Variants in PDE3A observed in about 807,000 individuals in gnomAD.
PDE3A encodes the protein phosphodiesterase 3A.
Under a neutral mutation model 98.3 loss-of-function variants are expected in PDE3A, and 43 were observed. That is an observed-to-expected ratio of 0.44 (90% CI 0.34 to 0.56). The LOEUF (loss-of-function observed/expected upper bound fraction) is 0.56, where lower values mean the gene tolerates loss of function less well. Among genes scored for constraint, PDE3A ranks in the 20% least tolerant of loss-of-function variants. The pLI, the probability that PDE3A is intolerant of heterozygous loss-of-function variation, is 0.01. For synonymous variants in PDE3A, 663 were observed against 567.9 expected (o/e 1.17, Z -2.38); for missense variants, 1,427 against 1,440.7 (o/e 0.99, Z 0.15).
intron 1 of PDE3A, among the ~76,000 whole-genome samples, chr12:20,518,284 G>T (rs1024809506): frequency 1.3e-5 from 2 of 151,992 alleles, no homozygotes; most frequent in Non-Finnish European, 2.9e-5. Flanking sequence ...TAAAGACTAA[G>T]AATCAGTTCT....
At chr12:20,502,558 T>A (rs1027726338) in intron 1 of PDE3A, among the ~76,000 whole-genome samples, 6 of 152,182 alleles carry the variant, frequency 3.9e-5, no homozygotes, top group Non-Finnish European at 7.4e-5. Context: ...GGTCAGGGAC[T>A]TTCCCTACTT....
intron 15 of PDE3A, among the ~76,000 whole-genome samples, chr12:20,671,325 G>C (rs963246642): frequency 6.6e-6 from 1 of 151,822 alleles, no homozygotes; most frequent in South Asian, 2.1e-4. Context: ...TAGAAAAACA[G>C]GGAATCCTCC....
intron 15 of PDE3A, among the ~76,000 whole-genome samples, chr12:20,667,455 G>C (rs1945344960): frequency 6.6e-6 from 1 of 152,074 alleles, no homozygotes; most frequent in South Asian, 2.1e-4. Context: ...TTTGTATATA[G>C]TGAGAAATGG....
intron 1 of PDE3A, among the ~76,000 whole-genome samples, chr12:20,442,147 C>G (rs1369773079): frequency 6.6e-6 from 1 of 152,130 alleles, no homozygotes; most frequent in Non-Finnish European, 1.5e-5. Context: ...TAGTTCTACA[C>G]CAAAATGGAA....
intron 15 of PDE3A, among the ~76,000 whole-genome samples, chr12:20,670,460 T>G (rs931793359): frequency 2.6e-5 from 4 of 152,040 alleles, no homozygotes; most frequent in African/African-American, 4.8e-5. Context: ...AAAGCTCTCC[T>G]CAGCAAATGT....
intron 1 of PDE3A, among the ~76,000 whole-genome samples, chr12:20,402,856 G>A (rs1161836229): frequency 6.6e-6 from 1 of 152,166 alleles, no homozygotes; most frequent in African/African-American, 2.4e-5. Context: ...TAAGTGAGCT[G>A]TAAGAGTTAA....
intron 1 of PDE3A, among the ~76,000 whole-genome samples, chr12:20,380,181 T>C (rs1359926431): frequency 2.6e-5 from 4 of 151,882 alleles, no homozygotes; most frequent in Non-Finnish European, 5.9e-5. Flanking sequence ...TTCTGAAAAG[T>C]CTAATGTAAA....
At position 20,683,153 on chromosome 12, in the gene PDE3A, G is replaced by A. The variant is rs1945841197; in HGVS notation, c.*2882G>A. 2 of 152,158 alleles carry A rather than the reference G, an allele frequency of 1.3e-5. No homozygotes were observed. Among genetic ancestry groups the A allele is most frequent in the African/African-American group, 2.4e-5 (1 of 41,442 alleles). The allele number at this position is 152,158 out of a possible 1,614,324, so 9.4% of individuals were successfully genotyped here. A position where few individuals can be genotyped will look rare whatever the true frequency, so the allele number is the denominator to read the frequency against. On this transcript the variant is annotated 3_prime_UTR_variant, in exon 16 of 16. Coordinates refer to ENST00000359062, the MANE Select transcript of PDE3A (RefSeq NM_000921.5). ...CGTCAATTGGGATAAATAAAGGGAT[G>A]AAGATCCACTAAGTTTGTGACTTTC...
At chr12:20,402,431 G>C (rs904093786) in intron 1 of PDE3A, among the ~76,000 whole-genome samples, 6 of 152,148 alleles carry the variant, frequency 3.9e-5, no homozygotes, top group Middle Eastern at 6.8e-3. Context: ...TTATAGTTGT[G>C]AGCCACCACG....
intron 1 of PDE3A, among the ~76,000 whole-genome samples, chr12:20,548,027 G>T (rs1211671378): frequency 6.6e-6 from 1 of 152,016 alleles, no homozygotes; most frequent in African/African-American, 2.4e-5. Flanking sequence ...TTAGCTGAAG[G>T]CTGTGATGTA....
At chr12:20,402,052 T>A (rs1335396706) in intron 1 of PDE3A, among the ~76,000 whole-genome samples, 1 of 152,220 alleles carries the variant, frequency 6.6e-6, no homozygotes, top group Non-Finnish European at 1.5e-5. Context: ...AGTATGTATC[T>A]GTGGAGCTTT....
chr12:20,625,780 G>A (rs907289209), intron 5 of PDE3A, among the ~76,000 whole-genome samples: 5 of 152,002 alleles, frequency 3.3e-5, no homozygotes, highest in African/African-American at 1.2e-4. Context: ...AGGAATTAAA[G>A]GCCGAATTAC....
chr12:20,585,724 A>T (rs1943178216), intron 2 of PDE3A, among the ~76,000 whole-genome samples: 1 of 152,178 alleles, frequency 6.6e-6, no homozygotes, highest in African/African-American at 2.4e-5. Flanking sequence ...GTTCTCCTTC[A>T]GCCTTAAGTT....
In PDE3A at chr12:20,681,220, A is replaced by T. The variant is rs1186062171; in HGVS notation, c.*949A>T. On this transcript the variant is annotated 3_prime_UTR_variant, in exon 16 of 16. Transcript: ENST00000359062. ...CATTTTCCAGTCTACTTGCCTAATG[A>T]ATGTATAGGAACTGTCTATGAGTAT... 1 of 152,198 alleles carries T rather than the reference A, an allele frequency of 6.6e-6. No individual in the cohort carries two copies. Among genetic ancestry groups the T allele is most frequent in the Non-Finnish European group, 1.5e-5 (1 of 68,082 alleles). 9.4% of individuals were successfully genotyped at this position (152,198 alleles called of 1,614,324 possible). A position where few individuals can be genotyped will look rare whatever the true frequency, so the allele number is the denominator to read the frequency against.
chr12:20,577,688 A>T (rs565147132), intron 2 of PDE3A, among the ~76,000 whole-genome samples: 3 of 152,274 alleles, frequency 2.0e-5, no homozygotes, highest in Admixed American at 2.0e-4. Flanking sequence ...GCTAATTTTA[A>T]AAAAGAATGA....
At chr12:20,562,070 T>G (rs1393361839) in intron 2 of PDE3A, among the ~76,000 whole-genome samples, 1 of 152,172 alleles carries the variant, frequency 6.6e-6, no homozygotes, top group Non-Finnish European at 1.5e-5. Context: ...AGAACTCCTT[T>G]GTCTGGCAGT....
intron 1 of PDE3A, among the ~76,000 whole-genome samples, chr12:20,532,354 A>G (rs1191800714): frequency 6.2e-5 from 1 of 16,008 alleles, no homozygotes; most frequent in Non-Finnish European, 2.3e-4. Context: ...ATTTTAAATC[A>G]TGTAATTTAT....
intron 4 of PDE3A, among the ~76,000 whole-genome samples, chr12:20,616,760 C>T (rs543386162): frequency 6.6e-6 from 1 of 152,066 alleles, no homozygotes; most frequent in South Asian, 2.1e-4. Flanking sequence ...ATCCCCCAGC[C>T]CAGTCATTAG....
chr12:20,581,994 T>A (rs1470693435), intron 2 of PDE3A, among the ~76,000 whole-genome samples: 1 of 152,196 alleles, frequency 6.6e-6, no homozygotes, highest in African/African-American at 2.4e-5. Flanking sequence ...TTCAAAGATT[T>A]AATTCTACGT....
Sources: allele counts gnomAD v4.1 joint callset (sites outside exome capture counted in the v4.1 genomes callset), GRCh38; gene constraint gnomAD v4.1.1; transcripts MANE v1.5; gene names NCBI Gene and HGNC (gene_info 2026-07-23, HGNC 2026-07-21).